MDGA2: variants seen among roughly 807,000 people sequenced by gnomAD.
MDGA2 encodes the protein MAM domain-containing glycosylphosphatidylinositol anchor protein 2.
Under a neutral mutation model 117.8 loss-of-function variants are expected in MDGA2, and 40 were observed. The ratio of observed to expected loss-of-function variants is 0.34; its 90% confidence interval spans 0.26 to 0.44. The LOEUF is 0.44. Ranked by LOEUF, MDGA2 falls within the 20% of genes least tolerant of loss-of-function variation. The probability of loss-of-function intolerance (pLI) is 1.00; values close to 1 mark genes in which losing one functional copy is unlikely to be tolerated. For synonymous variants in MDGA2, 452 were observed against 439.0 expected, an observed-to-expected ratio of 1.03 and a Z score of -0.37; for missense variants, 1,123 against 1,250.6, an observed-to-expected ratio of 0.90 and a Z score of 1.54.
At chr14:47,438,005 G>A in intron 1 of MDGA2, among the ~76,000 whole-genome samples, 1 of 152,024 alleles carries the variant, frequency 6.6e-6, no homozygotes, top group Non-Finnish European at 1.5e-5. Context: ...CCCATTATAG[G>A]TAGCTTGTCA....
At chr14:47,095,607 T>C (rs988943794) in intron 6 of MDGA2, among the ~76,000 whole-genome samples, 1 of 151,928 alleles carries the variant, frequency 6.6e-6, no homozygotes, top group Non-Finnish European at 1.5e-5. Flanking sequence ...TGTTTTGATA[T>C]ATAAAATAAT....
intron 10 of MDGA2, among the ~76,000 whole-genome samples, chr14:46,900,982 C>T (rs1267055720): frequency 2.6e-5 from 4 of 151,788 alleles, no homozygotes; most frequent in African/African-American, 7.3e-5. Flanking sequence ...ATGTAACTTC[C>T]TGTGAATCTG....
intron 3 of MDGA2, among the ~76,000 whole-genome samples, chr14:47,186,437 TA>T (rs1270488919): frequency 1.3e-5 from 2 of 151,840 alleles, no homozygotes; most frequent in African/African-American, 2.4e-5. Context: ...AGTACTAAAT[TA>T]TTTTCAAATA....
rs139048052 is a variant in MDGA2 at position 47,051,096 on chromosome 14, T to C, written c.1525+10153A>G. 1.0e-3 allele frequency among the ~76,000 whole-genome samples: 153 copies of C among 152,012 alleles called. 2 individuals carry two copies. The highest frequency in any genetic ancestry group is 3.5e-3 in the African/African-American group (144 of 41,526). On this transcript the variant is annotated intron_variant, in intron 7 of 16. Transcript: ENST00000399232. ...AAATGCCTGAGATAATAAAGGGAAA[T>C]ATTCATTTAATCTAAGATTTTAAGG...
chr14:47,056,762 A>C (rs1889688800), intron 7 of MDGA2, among the ~76,000 whole-genome samples: 1 of 152,160 alleles, frequency 6.6e-6, no homozygotes, highest in African/African-American at 2.4e-5. Context: ...TTTGAAAATT[A>C]AGTCTACTGC....
At chr14:47,221,835 A>G (rs1420243082) in intron 2 of MDGA2, among the ~76,000 whole-genome samples, 1 of 151,850 alleles carries the variant, frequency 6.6e-6, no homozygotes, top group Non-Finnish European at 1.5e-5. Context: ...TAATTGGCAA[A>G]TATATATATG....
At chr14:47,394,534 C>A (rs1243075425) in intron 1 of MDGA2, among the ~76,000 whole-genome samples, 2 of 152,072 alleles carry the variant, frequency 1.3e-5, no homozygotes, top group East Asian at 1.9e-4. Flanking sequence ...TTTAAACAAG[C>A]CAGAGAGACT....
At chr14:47,543,419 C>G (rs1895392681) in intron 1 of MDGA2, among the ~76,000 whole-genome samples, 1 of 152,208 alleles carries the variant, frequency 6.6e-6, no homozygotes, top group African/African-American at 2.4e-5. Context: ...GCCTTATTGT[C>G]TTAAGATGTA....
chr14:47,468,158 T>C (rs918493001), intron 1 of MDGA2, among the ~76,000 whole-genome samples: 1 of 152,130 alleles, frequency 6.6e-6, no homozygotes, highest in African/African-American at 2.4e-5. Context: ...CAAGCATTTC[T>C]AGGTGAGTAA....
chr14:46,880,041 C>CA (rs1882381582), intron 11 of MDGA2, among the ~76,000 whole-genome samples: 1 of 152,070 alleles, frequency 6.6e-6, no homozygotes, highest in Admixed American at 6.6e-5. Flanking sequence ...AAAAGAATCA[C>CA]GTTTGGCCGG....
chr14:47,249,768 A>T (rs73251628), intron 2 of MDGA2, among the ~76,000 whole-genome samples: 1 of 152,186 alleles, frequency 6.6e-6, no homozygotes, highest in East Asian at 1.9e-4. Context: ...AATAAGCTGA[A>T]GTCCTACGGA....
intron 15 of MDGA2, among the ~76,000 whole-genome samples, chr14:46,850,093 A>T (rs531947275): frequency 1.3e-5 from 2 of 152,028 alleles, no homozygotes; most frequent in African/African-American, 4.8e-5. Context: ...CAACCTTAAC[A>T]TACAAAAAAT....
intron 5 of MDGA2, among the ~76,000 whole-genome samples, chr14:47,119,152 G>A (rs1455884877): frequency 3.3e-5 from 3 of 89,844 alleles, no homozygotes; most frequent in Non-Finnish European, 4.5e-5. Context: ...CTGGGTTCAC[G>A]CCATTCTCCT....
At chr14:47,268,048 C>T (rs143197717) in intron 2 of MDGA2, among the ~76,000 whole-genome samples, 1 of 151,838 alleles carries the variant, frequency 6.6e-6, no homozygotes, top group Admixed American at 6.6e-5. Context: ...ACTCATGCAG[C>T]CTCAAAACAT....
At chr14:47,269,353 C>A (rs565737899) in intron 2 of MDGA2, among the ~76,000 whole-genome samples, 3 of 152,036 alleles carry the variant, frequency 2.0e-5, no homozygotes, top group Admixed American at 6.6e-5. Context: ...TTCTCATGTA[C>A]CAATTTCCTT....
At chr14:47,186,005 T>C (rs1367458496) in intron 3 of MDGA2, among the ~76,000 whole-genome samples, 1 of 151,560 alleles carries the variant, frequency 6.6e-6, no homozygotes, top group Non-Finnish European at 1.5e-5. Flanking sequence ...AAATCAGTAA[T>C]ATGTGTACAT....
rs147146547 is a variant in MDGA2, at chr14:47,483,779, G to A, written c.281-182229C>T. 1.7e-3 allele frequency among the ~76,000 whole-genome samples: 262 copies of A among 152,204 alleles called. 3 individuals are homozygous for A. The highest frequency in any genetic ancestry group is 6.2e-3 in the African/African-American group (257 of 41,530). On this transcript the variant is annotated intron_variant, in intron 1 of 16. Coordinates refer to ENST00000399232, the MANE Select transcript of MDGA2 (RefSeq NM_001113498.3). ...AATCTCAGCAGGCAGTGAGTGGTTG[G>A]CATCTATTTTCATCTTGTAGTAGTT...
chr14:46,909,617 C>A (rs1337016136), intron 10 of MDGA2, among the ~76,000 whole-genome samples: 1 of 151,924 alleles, frequency 6.6e-6, no homozygotes, highest in Non-Finnish European at 1.5e-5. Context: ...TAATATGAGG[C>A]AAGGATAATC....
At chr14:47,322,889 C>T (rs1471128196) in intron 1 of MDGA2, among the ~76,000 whole-genome samples, 3 of 151,926 alleles carry the variant, frequency 2.0e-5, no homozygotes, top group Non-Finnish European at 2.9e-5. Flanking sequence ...CTCTCCCTTC[C>T]AACCATAACT....
Sources: allele counts gnomAD v4.1 joint callset (sites outside exome capture counted in the v4.1 genomes callset), GRCh38; gene constraint gnomAD v4.1.1; transcripts MANE v1.5; gene names NCBI Gene and HGNC (gene_info 2026-07-23, HGNC 2026-07-21).